Variants in LEPR observed in about 807,000 individuals in gnomAD.
The protein encoded by LEPR is OB receptor.
A neutral mutation model predicts 114.7 loss-of-function variants in LEPR; 56 were observed. That is an observed-to-expected ratio of 0.49 (90% CI 0.39 to 0.61). The LOEUF (loss-of-function observed/expected upper bound fraction) is 0.61. Ranked by LOEUF, LEPR falls within the 20% of genes least tolerant of loss-of-function variation. The pLI is 0.00. For missense variants in LEPR, 1,202 were observed against 1,352.9 expected (o/e 0.89, Z 1.75); for synonymous variants, 443 against 461.4 (o/e 0.96, Z 0.51).
intron 2 of LEPR, chr1:65,432,268 G>A (rs7602): frequency 0.23 from 226,222 of 1,000,398 alleles, 26,715 homozygotes; most frequent in African/African-American, 0.39. Context: ...AGATAACGCT[G>A]AAGCAGGCCT....
At chr1:65,572,716 G>A (rs1466628228) in intron 5 of LEPR, among the ~76,000 whole-genome samples, 1 of 152,136 alleles carries the variant, frequency 6.6e-6, no homozygotes. Context: ...CTCACACTGA[G>A]GTCCGAAGGG....
At chr1:65,597,826 C>T (rs1656168761) in intron 7 of LEPR, among the ~76,000 whole-genome samples, 2 of 152,128 alleles carry the variant, frequency 1.3e-5, no homozygotes, top group South Asian at 4.2e-4. Flanking sequence ...CTCAGTGTCA[C>T]ATATGGAGAA....
chr1:65,515,519 C>A (rs1227044347), intron 2 of LEPR, among the ~76,000 whole-genome samples: 2 of 152,096 alleles, frequency 1.3e-5, no homozygotes, highest in Admixed American at 1.3e-4. Context: ...TTTATTTTTA[C>A]TTTTGTACCC....
In LEPR at chr1:65,626,338, A is replaced by G. The variant is rs1003562369; in HGVS notation, c.2673+3357A>G. On this transcript the variant is annotated intron_variant, in intron 19 of 19. Coordinates refer to ENST00000349533, the MANE Select transcript of LEPR (RefSeq NM_002303.6). ...AAGAAATGTGAAGAATTTTTATAAT[A>G]CAGTGGGTGTGAATGTTCTTATTTG... The G allele has an allele frequency of 2.3e-6, 3 of 1,316,930 alleles. No homozygotes were observed. In the African/African-American group the frequency reaches 4.5e-5, roughly 20 times the overall value. The allele number at this position is 1,316,930 out of a possible 1,614,324, so 81.6% of individuals were successfully genotyped here. A position where few individuals can be genotyped will look rare whatever the true frequency, so the allele number is the denominator to read the frequency against.
chr1:65,553,988 G>A (rs1652622832), intron 2 of LEPR, among the ~76,000 whole-genome samples: 1 of 152,166 alleles, frequency 6.6e-6, no homozygotes, highest in Admixed American at 6.5e-5. Context: ...GATGGAGTTT[G>A]CTTGAGGTTC....
Position 65,639,843 on chromosome 1 carries a change from C to T in LEPR, c.*2828C>T, listed in dbSNP as rs1570875934. 1.3e-5 allele frequency: 2 copies of T among 152,048 alleles called. No individual in the cohort carries two copies. The highest frequency in any genetic ancestry group is 1.9e-4 in the East Asian group (1 of 5,190). 9.4% of individuals were successfully genotyped at this position (152,048 alleles called of 1,614,324 possible). On this transcript the variant is annotated 3_prime_UTR_variant, in exon 20 of 20. Coordinates refer to ENST00000349533, the MANE Select transcript of LEPR (RefSeq NM_002303.6). ...AGGATTACAGGATTTCTAACTTAAA[C>T]CCCCAAGAACAATGAAAAAGTTGAC...
chr1:65,621,537 T>G, intron 18 of LEPR, 79 bp downstream of exon 18: 1 of 1,219,506 alleles, frequency 8.2e-7, no homozygotes, highest in Non-Finnish European at 1.2e-6. Flanking sequence ...CCTTCTAAAT[T>G]AGGAATATTA....
chr1:65,501,240 G>A (rs1345321126), intron 2 of LEPR, among the ~76,000 whole-genome samples: 2 of 151,856 alleles, frequency 1.3e-5, no homozygotes, highest in Non-Finnish European at 2.9e-5. Context: ...CAGAATTCTG[G>A]AGGCTAGAAG....
intron 1 of LEPR, chr1:65,421,563 G>C: frequency 7.7e-7 from 1 of 1,300,820 alleles, no homozygotes; most frequent in South Asian, 1.3e-5. Flanking sequence ...GATATCCCCA[G>C]TTAACATCTG....
chr1:65,551,298 T>A lies in LEPR; in HGVS notation c.-20-14248T>A, dbSNP rs560854648. 2.6e-5 allele frequency among the ~76,000 whole-genome samples: 4 copies of A among 152,246 alleles called. No homozygotes were observed. In the East Asian group the frequency reaches 7.8e-4, roughly 30 times the overall value. On this transcript the variant is annotated intron_variant, in intron 2 of 19. Transcript: ENST00000349533. ...TAATTTCAGAAGGAATGGTACCAGCTCCTCTTTGTACCTCTGGTAGAATTC... is the reference window on the plus strand; with the variant it reads ...TAATTTCAGAAGGAATGGTACCAGCACCTCTTTGTACCTCTGGTAGAATTC...
At chr1:65,479,575 C>A (rs931633411) in intron 2 of LEPR, among the ~76,000 whole-genome samples, 4 of 152,166 alleles carry the variant, frequency 2.6e-5, no homozygotes, top group African/African-American at 9.7e-5. Flanking sequence ...AGAGGTAGAG[C>A]AGTAGTTTAC....
Position 65,616,080 on chromosome 1 carries a change from A to G in LEPR, c.2068A>G (p.Thr690Ala), listed in dbSNP as rs200630700. 2.5e-6 allele frequency: 4 copies of G among 1,614,192 alleles called. No individual in the cohort carries two copies. The highest frequency in any genetic ancestry group is 2.2e-5 in the East Asian group (1 of 44,868). Residue 690 changes from threonine (T) to alanine (A), a missense_variant, in exon 15 of 20, where the codon ACA becomes GCA. Thr to Ala is a moderately conservative substitution (Grantham distance 58). Coordinates refer to ENST00000349533, the MANE Select transcript of LEPR (RefSeq NM_002303.6). The stretch of plus-strand genomic sequence containing the variant: ...AAACCATCATACTTCCTGCAATGGA[A>G]CATGGTCAGAAGATGTGGGAAATCA... ...VINHHTSCNG[T>A]WSEDVGNHTK...
chr1:65,420,769 G>C (rs113211950), intron 1 of LEPR, 29 bp downstream of exon 1: 102 of 1,571,002 alleles, frequency 6.5e-5, no homozygotes, highest in Non-Finnish European at 8.4e-5. Context: ...CTCGCTTGTC[G>C]TGTGGTGGGG....
chr1:65,572,685 C>T (rs1288110606), intron 5 of LEPR, among the ~76,000 whole-genome samples: 1 of 151,952 alleles, frequency 6.6e-6, no homozygotes, highest in Non-Finnish European at 1.5e-5. Context: ...ACCAAATGTT[C>T]AGTTCAAGTT....
intron 2 of LEPR, among the ~76,000 whole-genome samples, chr1:65,484,119 AG>A (rs1183268980): frequency 7.2e-5 from 11 of 152,008 alleles, no homozygotes; most frequent in African/African-American, 2.4e-4. Flanking sequence ...GGCCTTCCAA[AG>A]TGCTGGGATT....
Position 65,473,171 on chromosome 1 carries a change from C to T in LEPR, c.-21+47793C>T, listed in dbSNP as rs72681334. On this transcript the variant is annotated intron_variant, in intron 2 of 19. Coordinates refer to ENST00000349533, the MANE Select transcript of LEPR (RefSeq NM_002303.6). ...GGAGCTTCATATGCATTGTTTGTAA[C>T]ACTTGCAACATTAGTGGCAGGCAGG... Among the ~76,000 whole-genome samples the T allele has an allele frequency of 8.7e-3, 1,320 of 152,310 alleles. 6 individuals carry two copies. The highest frequency in any genetic ancestry group is 0.013 in the Non-Finnish European group (869 of 68,028).
chr1:65,629,680 T>C (rs1453337693), intron 19 of LEPR, among the ~76,000 whole-genome samples: 2 of 149,198 alleles, frequency 1.3e-5, no homozygotes, highest in Non-Finnish European at 2.9e-5. Context: ...CCTCCCTCTC[T>C]TTCTTTCTTT....
chr1:65,457,545 T>C (rs1034772790), intron 2 of LEPR, among the ~76,000 whole-genome samples: 12 of 152,212 alleles, frequency 7.9e-5, no homozygotes, highest in African/African-American at 2.7e-4. Flanking sequence ...TATATAGATG[T>C]ATGGGGTACA....
chr1:65,545,886 C>A (rs1651669942), intron 2 of LEPR, among the ~76,000 whole-genome samples: 1 of 151,778 alleles, frequency 6.6e-6, no homozygotes, highest in Non-Finnish European at 1.5e-5. Context: ...CTTGCCCATG[C>A]CTATGTCCTG....
Sources: gnomAD v4.1 joint callset for allele counts (sites outside exome capture counted in the v4.1 genomes callset) on GRCh38, gnomAD v4.1.1 for gene constraint, MANE v1.5 for transcripts, NCBI Gene and HGNC (gene_info 2026-07-23, HGNC 2026-07-21) for gene names.